The following ZCWPW2 variants were observed in gnomAD, a reference collection of about 807,000 sequenced individuals.
ZCWPW2 encodes the protein zinc finger CW-type and PWWP domain containing 2.
ZCWPW2 carries 45 observed loss-of-function variants against 46.6 expected under a neutral mutation model. The ratio of observed to expected loss-of-function variants is 0.96; its 90% CI spans 0.76 to 1.24. ZCWPW2 has a LOEUF of 1.24. Among genes scored for constraint, ZCWPW2 ranks in the 50% most tolerant of loss-of-function variants. ZCWPW2 has a pLI of 0.00. For missense variants in ZCWPW2, 429 were observed against 403.9 expected, an observed-to-expected ratio of 1.06 and a Z score of -0.53; for synonymous variants, 152 against 137.1, an observed-to-expected ratio of 1.11 and a Z score of -0.76.
intron 6 of ZCWPW2, among the ~76,000 whole-genome samples, chr3:28,496,200 G>A (rs1440183958): frequency 3.9e-5 from 6 of 152,028 alleles, no homozygotes; most frequent in East Asian, 1.9e-4. Flanking sequence ...CCGAGAAACC[G>A]TGGAAGGAAT....
At chr3:28,355,694 C>G (rs1704706373) in intron 1 of ZCWPW2, among the ~76,000 whole-genome samples, 1 of 152,102 alleles carries the variant, frequency 6.6e-6, no homozygotes, top group Non-Finnish European at 1.5e-5. Context: ...GAAATAATAC[C>G]ACACATCTAC....
rs149608960 is a variant in ZCWPW2 at position 28,409,091 on chromosome 3, G to A, written c.-13-3965G>A. Among the ~76,000 whole-genome samples, 155 of 148,650 alleles carry A rather than the reference G, an allele frequency of 1.0e-3. 2 individuals are homozygous for A. Among genetic ancestry groups the A allele is most frequent in the Middle Eastern group, 7.2e-3 (2 of 276 alleles). The stretch of plus-strand genomic sequence containing the variant: ...ATTCACAAACACAGAAAATATTCCC[G>A]ATACTCCAGATGGCTTAATTTTTTC... On this transcript the variant is annotated intron_variant, in intron 2 of 9. Transcript: ENST00000383768.
intron 4 of ZCWPW2, among the ~76,000 whole-genome samples, chr3:28,475,021 T>G (rs1699188258): frequency 6.6e-6 from 1 of 152,028 alleles, no homozygotes; most frequent in Non-Finnish European, 1.5e-5. Flanking sequence ...TTTTTTATTT[T>G]TTAGTAGAGG....
At chr3:28,438,263 C>G (rs920133169) in intron 4 of ZCWPW2, among the ~76,000 whole-genome samples, 14 of 152,194 alleles carry the variant, frequency 9.2e-5, no homozygotes, top group Non-Finnish European at 4.4e-5. Context: ...AAGCCCTTCC[C>G]CCTTCAGCTG....
chr3:28,471,083 T>C (rs996505943), intron 4 of ZCWPW2, among the ~76,000 whole-genome samples: 12 of 152,154 alleles, frequency 7.9e-5, no homozygotes, highest in African/African-American at 2.6e-4. Flanking sequence ...AGCAGACCAA[T>C]AACAAGTAAC....
At chr3:28,376,742 C>T (rs182601956) in intron 1 of ZCWPW2, among the ~76,000 whole-genome samples, 11 of 152,168 alleles carry the variant, frequency 7.2e-5, no homozygotes, top group African/African-American at 2.6e-4. Flanking sequence ...TGTACTCCAC[C>T]ATTTTGGTGA....
At chr3:28,398,229 CGA>C (rs1553632621) in intron 2 of ZCWPW2, 4 of 152,002 alleles carry the variant, frequency 2.6e-5, no homozygotes, top group Non-Finnish European at 2.9e-5. Flanking sequence ...GGTGAAGAGT[CGA>C]GGTAAAAAGA....
At chr3:28,406,452 G>C (rs1319184956) in intron 2 of ZCWPW2, among the ~76,000 whole-genome samples, 2 of 152,128 alleles carry the variant, frequency 1.3e-5, no homozygotes, top group Admixed American at 1.3e-4. Context: ...GCACTTTTGG[G>C]TGAGCTTATA....
intron 4 of ZCWPW2, among the ~76,000 whole-genome samples, chr3:28,469,285 G>A (rs939012138): frequency 6.6e-6 from 1 of 151,882 alleles, no homozygotes; most frequent in South Asian, 2.1e-4. Flanking sequence ...TTCATTAAAA[G>A]GAAGAGAAGA....
intron 2 of ZCWPW2, among the ~76,000 whole-genome samples, chr3:28,399,169 C>T (rs1695824660): frequency 6.6e-6 from 1 of 152,120 alleles, no homozygotes; most frequent in Non-Finnish European, 1.5e-5. Flanking sequence ...TGGTTTTCCT[C>T]CACTTCACTG....
intron 2 of ZCWPW2, among the ~76,000 whole-genome samples, chr3:28,392,399 G>T (rs1382857502): frequency 6.6e-6 from 1 of 152,108 alleles, no homozygotes; most frequent in East Asian, 1.9e-4. Context: ...TTCAACAAGG[G>T]AGAGATCATT....
At chr3:28,370,458 A>G (rs1341258655) in intron 1 of ZCWPW2, among the ~76,000 whole-genome samples, 4 of 152,248 alleles carry the variant, frequency 2.6e-5, no homozygotes, top group African/African-American at 9.6e-5. Context: ...GCATGGAGGC[A>G]TCTCATATGG....
chr3:28,385,388 C>G (rs1352243730), intron 1 of ZCWPW2, among the ~76,000 whole-genome samples: 1 of 152,124 alleles, frequency 6.6e-6, no homozygotes, highest in African/African-American at 2.4e-5. Context: ...TAGAGAAATA[C>G]CACCTCATCC....
intron 2 of ZCWPW2, among the ~76,000 whole-genome samples, chr3:28,411,938 T>C (rs1298772498): frequency 1.3e-5 from 2 of 152,184 alleles, no homozygotes; most frequent in East Asian, 3.9e-4. Flanking sequence ...ATTTATTTTA[T>C]TACATTTGCA....
chr3:28,430,379 AGT>A (rs1202276341), intron 3 of ZCWPW2, among the ~76,000 whole-genome samples: 1 of 152,226 alleles, frequency 6.6e-6, no homozygotes, highest in Non-Finnish European at 1.5e-5. Flanking sequence ...ATTTGGAATG[AGT>A]GTATTTACAC....
At chr3:28,434,322 G>T (rs1374081253) in intron 3 of ZCWPW2, among the ~76,000 whole-genome samples, 1 of 151,976 alleles carries the variant, frequency 6.6e-6, no homozygotes, top group Admixed American at 6.6e-5. Context: ...AATGACAGGA[G>T]CTCTCTGCTG....
chr3:28,479,407 G>A (rs955695719), intron 5 of ZCWPW2, among the ~76,000 whole-genome samples: 1 of 152,066 alleles, frequency 6.6e-6, no homozygotes, highest in African/African-American at 2.4e-5. Flanking sequence ...GTGAAAAATT[G>A]TGATAATATT....
intron 4 of ZCWPW2, among the ~76,000 whole-genome samples, chr3:28,438,462 A>T (rs1377981945): frequency 6.6e-6 from 1 of 152,236 alleles, no homozygotes; most frequent in Non-Finnish European, 1.5e-5. Context: ...ACCTGAGTGG[A>T]CTTAAAGTTT....
chr3:28,508,015 G>T (rs1247121841), intron 6 of ZCWPW2, among the ~76,000 whole-genome samples: 5 of 152,084 alleles, frequency 3.3e-5, no homozygotes, highest in African/African-American at 9.7e-5. Context: ...TTGGCTCAGG[G>T]TTCTACAGGC....
Sources: allele counts gnomAD v4.1 joint callset (sites outside exome capture counted in the v4.1 genomes callset), GRCh38; gene constraint gnomAD v4.1.1; transcripts MANE v1.5; gene names NCBI Gene and HGNC (gene_info 2026-07-23, HGNC 2026-07-21).